ARB2A: variants seen among roughly 807,000 people sequenced by gnomAD.
ARB2A encodes cotranscriptional regulator ARB2A.
the ARB2A span, among the ~76,000 whole-genome samples, chr5:93,950,359 C>T: frequency 6.6e-6 from 1 of 152,144 alleles, no homozygotes; most frequent in East Asian, 1.9e-4. Context: ...TCCTTTTCTC[C>T]ACATCCTCAC....
the ARB2A span, among the ~76,000 whole-genome samples, chr5:93,846,519 T>C: frequency 6.6e-6 from 1 of 150,766 alleles, no homozygotes; most frequent in African/African-American, 2.4e-5. Context: ...ATAATAATAA[T>C]AAAAATAAAA....
chr5:93,970,872 G>A, the ARB2A span, among the ~76,000 whole-genome samples: 3 of 152,120 alleles, frequency 2.0e-5, no homozygotes, highest in African/African-American at 7.2e-5. Flanking sequence ...TTTCACAAAT[G>A]AGCCCAAAGG....
the ARB2A span, among the ~76,000 whole-genome samples, chr5:93,684,766 T>C: frequency 6.6e-6 from 1 of 152,204 alleles, no homozygotes; most frequent in Non-Finnish European, 1.5e-5. Context: ...GATGTTTGCA[T>C]CATTTGTACT....
chr5:94,111,068 A>C, the ARB2A span, among the ~76,000 whole-genome samples: 2 of 152,206 alleles, frequency 1.3e-5, no homozygotes, highest in African/African-American at 4.8e-5. Flanking sequence ...GCATGTTACA[A>C]GTTTTGAGAG....
the ARB2A span, among the ~76,000 whole-genome samples, chr5:93,914,706 A>C: frequency 2.0e-5 from 3 of 151,946 alleles, no homozygotes; most frequent in Non-Finnish European, 2.9e-5. Flanking sequence ...AATAAATTTC[A>C]TAATTTTTTA....
chr5:93,830,311 G>GTGTGTATGTGTGTGTATATA, the ARB2A span, among the ~76,000 whole-genome samples: 5 of 82,260 alleles, frequency 6.1e-5, no homozygotes, highest in Non-Finnish European at 9.5e-5. Context: ...GTGTGTGTGT[G>GTGTGTATGTGTGTGTATATA]TATATATATA....
the ARB2A span, among the ~76,000 whole-genome samples, chr5:93,626,045 G>A: frequency 6.6e-6 from 1 of 152,158 alleles, no homozygotes; most frequent in Non-Finnish European, 1.5e-5. Context: ...AGTAATCAAA[G>A]TATGCTACTG....
the ARB2A span, among the ~76,000 whole-genome samples, chr5:93,873,707 G>T: frequency 6.6e-6 from 1 of 152,132 alleles, no homozygotes; most frequent in Non-Finnish European, 1.5e-5. Context: ...GTTAGAAAAT[G>T]CATATAATAG....
the ARB2A span, among the ~76,000 whole-genome samples, chr5:93,986,317 G>T: frequency 6.6e-6 from 1 of 151,924 alleles, no homozygotes; most frequent in Non-Finnish European, 1.5e-5. Context: ...CGCCCCATCT[G>T]GGAGGTGGGG....
At chr5:93,747,683 C>A in the ARB2A span, among the ~76,000 whole-genome samples, 1 of 152,130 alleles carries the variant, frequency 6.6e-6, no homozygotes, top group East Asian at 1.9e-4. Context: ...ATGCCCAAAT[C>A]AAAATTTATC....
chr5:93,774,223 C>T, the ARB2A span, among the ~76,000 whole-genome samples: 1 of 152,210 alleles, frequency 6.6e-6, no homozygotes. Flanking sequence ...CTCCTGGGGC[C>T]TCCCTGTTCC....
the ARB2A span, chr5:93,784,372 C>A: frequency 1.3e-5 from 21 of 1,606,580 alleles, no homozygotes; most frequent in African/African-American, 2.7e-5. Flanking sequence ...CTAAAAAAAA[C>A]CAAGTCTCAC....
chr5:93,689,393 T>C, the ARB2A span, among the ~76,000 whole-genome samples: 6 of 152,060 alleles, frequency 3.9e-5, no homozygotes, highest in African/African-American at 1.4e-4. Flanking sequence ...AAGTGAAGGG[T>C]ATTATATAAA....
the ARB2A span, among the ~76,000 whole-genome samples, chr5:93,854,391 T>A: frequency 1.6e-4 from 24 of 152,276 alleles, no homozygotes; most frequent in Admixed American, 2.6e-4. Context: ...ATTTTGTTGA[T>A]CCTTCAAAAA....
the ARB2A span, among the ~76,000 whole-genome samples, chr5:94,026,229 G>C: frequency 6.6e-6 from 1 of 152,088 alleles, no homozygotes; most frequent in Admixed American, 6.5e-5. Context: ...ACTCTACCCT[G>C]CAGCTCCAGG....
the ARB2A span, among the ~76,000 whole-genome samples, chr5:94,103,181 A>G: frequency 6.6e-6 from 1 of 152,110 alleles, no homozygotes; most frequent in East Asian, 1.9e-4. Flanking sequence ...ACTGACTCTG[A>G]ATGTAAATGG....
chr5:94,025,762 T>C, the ARB2A span, among the ~76,000 whole-genome samples: 1 of 152,252 alleles, frequency 6.6e-6, no homozygotes, highest in African/African-American at 2.4e-5. Context: ...AGCAGGTTAA[T>C]AATGATATGG....
chr5:93,719,644 T>C, the ARB2A span, among the ~76,000 whole-genome samples: 1 of 152,216 alleles, frequency 6.6e-6, no homozygotes, highest in African/African-American at 2.4e-5. Flanking sequence ...TCTCCCTTTC[T>C]TATCTGCCTG....
At chr5:94,026,786 T>C in the ARB2A span, among the ~76,000 whole-genome samples, 6 of 152,120 alleles carry the variant, frequency 3.9e-5, no homozygotes, top group Non-Finnish European at 8.8e-5. Context: ...TGTCTTTGGC[T>C]TGAAGGTTGG....
Sources: gnomAD v4.1 joint callset for allele counts (sites outside exome capture counted in the v4.1 genomes callset) on GRCh38, gnomAD v4.1.1 for gene constraint, MANE v1.5 for transcripts, NCBI Gene and HGNC (gene_info 2026-07-23, HGNC 2026-07-21) for gene names.